The following IQGAP3 variants were observed in gnomAD, a reference collection of about 807,000 sequenced individuals.
IQGAP3 encodes IQ motif containing GTPase activating protein 3.
A neutral mutation model predicts 208.2 loss-of-function variants in IQGAP3; 165 were observed. The ratio of observed to expected loss-of-function variants is 0.79; its 90% CI spans 0.70 to 0.90. The LOEUF is 0.90. Ranked by LOEUF, IQGAP3 falls within the 40% of genes least tolerant of loss-of-function variation. IQGAP3 has a pLI of 0.00. For synonymous variants in IQGAP3, 703 were observed against 803.6 expected (o/e 0.87, Z 2.12); for missense variants, 1,811 against 2,043.1 (o/e 0.89, Z 2.19).
Position 156,566,506 on chromosome 1 carries a change from C to T in IQGAP3, c.166G>A (p.Val56Met). The change falls in exon 3 of 38, where the codon GTG becomes ATG. Residue 56 changes from valine to methionine, a missense_variant. Transcript: ENST00000361170. ...ACLKEELPSP[V>M]ELEESLRNGV... ...TTCCGAAGGCTCTCCTCCAGCTCCA[C>T]CGGGGAAGGAAGCTCCTCCTTCAGG... 1.2e-6 allele frequency: 2 copies of T among 1,614,194 alleles called. No individual in the cohort carries two copies. The highest frequency in any genetic ancestry group is 8.5e-7 in the Non-Finnish European group (1 of 1,180,024).
chr1:156,539,733 G>C, intron 24 of IQGAP3, 105 bp downstream of exon 24: 5 of 1,370,958 alleles, frequency 3.6e-6, no homozygotes, highest in Non-Finnish European at 5.1e-6. Flanking sequence ...TAAGATTATG[G>C]GAAAGGACAC....
intron 25 of IQGAP3, 80 bp from the exon 26 acceptor site, chr1:156,539,113 G>T: frequency 3.1e-6 from 4 of 1,274,862 alleles, no homozygotes; most frequent in Non-Finnish European, 4.5e-6. Context: ...TGAGATTTTG[G>T]CTCTCAAAGC....
At chr1:156,529,696 G>T (rs527937640) in intron 34 of IQGAP3, among the ~76,000 whole-genome samples, 1 of 151,930 alleles carries the variant, frequency 6.6e-6, no homozygotes, top group East Asian at 1.9e-4. Context: ...CAAGATGGGC[G>T]GACCCTGAGG....
chr1:156,563,107 T>A (rs1205152976), intron 8 of IQGAP3, 27 bp downstream of exon 8: 2 of 1,536,540 alleles, frequency 1.3e-6, no homozygotes, highest in Non-Finnish European at 1.8e-6. Flanking sequence ...AACTTTTCGG[T>A]CCCTGCAACC....
chr1:156,547,043 A>G (rs1231888670), intron 19 of IQGAP3, among the ~76,000 whole-genome samples: 1 of 152,190 alleles, frequency 6.6e-6, no homozygotes, highest in Non-Finnish European at 1.5e-5. Context: ...AGCATCTTAC[A>G]TTGCCAGCAC....
chr1:156,561,119 C>G, intron 10 of IQGAP3, 98 bp from the exon 11 acceptor site: 1 of 791,626 alleles, frequency 1.3e-6, no homozygotes, highest in Non-Finnish European at 2.2e-6. Context: ...ACCCAGCCAC[C>G]TACCCTCAAT....
intron 1 of IQGAP3, 32 bp from the exon 2 acceptor site, chr1:156,569,495 G>T: frequency 1.9e-6 from 2 of 1,080,860 alleles, no homozygotes; most frequent in Non-Finnish European, 2.8e-6. Context: ...GGTCAATGAA[G>T]AGAGCATTAG....
At chr1:156,570,157 C>A (rs1270438701) in intron 1 of IQGAP3, among the ~76,000 whole-genome samples, 1 of 152,200 alleles carries the variant, frequency 6.6e-6, no homozygotes, top group Non-Finnish European at 1.5e-5. Context: ...GGTAATAGAA[C>A]CAACCAGAAT....
chr1:156,536,222 C>G (rs946364390), intron 27 of IQGAP3, among the ~76,000 whole-genome samples: 1 of 151,980 alleles, frequency 6.6e-6, no homozygotes, highest in African/African-American at 2.4e-5. Context: ...CCTGGGCATT[C>G]CAGCCTGGGC....
chr1:156,551,365 C>G (rs908406489), intron 15 of IQGAP3, among the ~76,000 whole-genome samples: 1 of 152,200 alleles, frequency 6.6e-6, no homozygotes, highest in Non-Finnish European at 1.5e-5. Context: ...TTTTCACCCT[C>G]ATTCTGGGAG....
At chr1:156,566,639 G>A in intron 2 of IQGAP3, 93 bp from the exon 3 acceptor site, 1 of 1,229,340 alleles carries the variant, frequency 8.1e-7, no homozygotes, top group African/African-American at 1.5e-5. Flanking sequence ...CCTTTTAAGT[G>A]GCCCCTGACC....
In IQGAP3 at chr1:156,569,710, A is replaced by G. The variant is rs376376032; in HGVS notation, c.38-247T>C. On this transcript the variant is annotated intron_variant, in intron 1 of 37. Transcript: ENST00000361170. Reference sequence around the variant, plus strand: ...ATTTTTTATATTTTTTAGTAGAGACAGGGTTTCACCATGTTAGCCAGGATG... The same window carrying G: ...ATTTTTTATATTTTTTAGTAGAGACGGGGTTTCACCATGTTAGCCAGGATG... 1.0e-3 allele frequency among the ~76,000 whole-genome samples: 157 copies of G among 151,910 alleles called. 1 individual carries two copies. Among genetic ancestry groups the G allele is most frequent in the Admixed American group, 2.1e-3 (32 of 15,256 alleles).
Position 156,563,810 on chromosome 1 carries a change from C to A in IQGAP3, c.452G>T (p.Arg151Leu), listed in dbSNP as rs371540662. Residue 151 changes from arginine (R) to leucine (L), a missense_variant, in exon 6 of 38, where the codon CGG becomes CTG. By Grantham distance (102) the Arg-to-Leu change is moderately radical (BLOSUM62 -2). Transcript: ENST00000361170. ...ATGTATCTGAGGGGCCAATCCCAGCCGGAAGAGGAAGAGACTAGGAAAAAA... is the reference window on the plus strand; with the variant it reads ...ATGTATCTGAGGGGCCAATCCCAGCAGGAAGAGGAAGAGACTAGGAAAAAA... ...CIHALSLFLF[R>L]LGLAPQIHDL... is the part of the protein sequence containing the mutation. 22 of 1,613,730 alleles carry A rather than the reference C, an allele frequency of 1.4e-5. No homozygotes were observed. The highest frequency in any genetic ancestry group is 8.3e-5 in the Admixed American group (5 of 59,948).
At position 156,548,201 on chromosome 1, in the gene IQGAP3, G is replaced by A. The variant is rs771929503; in HGVS notation, c.2176C>T (p.Leu726Phe). Residue 726 changes from leucine to phenylalanine, a missense_variant, in exon 19 of 38, where the codon CTC (leucine) becomes TTC (phenylalanine). Leu to Phe is a conservative substitution (Grantham distance 22, BLOSUM62 0). Coordinates refer to ENST00000361170, the MANE Select transcript of IQGAP3 (RefSeq NM_178229.5). The part of the protein sequence containing the change: ...KVTAAYDRQQ[L>F]WKANVGFVIQ... ...ACAAAGCCGACGTTGGCTTTCCAGAGCTGTTGGCGGTCATAGGCAGCAGTG... is the reference window on the plus strand; with the variant it reads ...ACAAAGCCGACGTTGGCTTTCCAGAACTGTTGGCGGTCATAGGCAGCAGTG... 4 of 1,614,180 alleles carry A rather than the reference G, an allele frequency of 2.5e-6. No individual in the cohort carries two copies. The South Asian group carries it at 3.3e-5, about 13-fold the overall frequency.
At chr1:156,539,582 A>G in intron 24 of IQGAP3, 45 bp from the exon 25 acceptor site, 1 of 1,592,796 alleles carries the variant, frequency 6.3e-7, no homozygotes, top group Non-Finnish European at 8.6e-7. Flanking sequence ...ATGCACTTCA[A>G]GGACCAGTGA....
Position 156,556,675 on chromosome 1 carries a change from C to T in IQGAP3, c.1148G>A (p.Arg383Gln), listed in dbSNP as rs145312899. The T allele has an allele frequency of 3.8e-4, 601 of 1,594,186 alleles. 7 individuals carry two copies. In the East Asian group the frequency reaches 9.6e-3, roughly 26 times the overall value. ...QEQAMLHAVQ[R>Q]INKAIRRRVA... is the part of the protein sequence containing the mutation. ...TCTCCTCCGGATGGCTTTGTTGATC[C>T]GCTGCACAGCGTGGAGCACTGCAAG... is the stretch of plus-strand genomic sequence containing the variant. Residue 383 changes from arginine to glutamine, a missense_variant, in exon 12 of 38, where the codon CGG (arginine) becomes CAG (glutamine). Physicochemically the swap from Arg to Gln is conservative, Grantham distance 43. Transcript: ENST00000361170.
At position 156,544,400 on chromosome 1, in the gene IQGAP3, C is replaced by T. The variant is rs768123930; in HGVS notation, c.2377G>A (p.Ala793Thr). ...ACCACCGTAGCTACCTTGATTATGG[C>T]ATCCAGGTTTGCTTTAAAATACTGC... ...WLQYFKANLD[A>T]IIKIQAWARM... Residue 793 changes from alanine to threonine, a missense_variant, in exon 20 of 38, where the codon GCC becomes ACC. Transcript: ENST00000361170. The T allele has an allele frequency of 9.9e-6, 16 of 1,612,786 alleles. No individual in the cohort carries two copies. Among genetic ancestry groups the T allele is most frequent in the Non-Finnish European group, 1.4e-5 (16 of 1,178,876 alleles).
At chr1:156,554,507 A>C in intron 12 of IQGAP3, 115 bp from the exon 13 acceptor site, 1 of 976,720 alleles carries the variant, frequency 1.0e-6, no homozygotes, top group Middle Eastern at 3.1e-4. Flanking sequence ...CCAAAACCCC[A>C]GTGGCCTGAT....
chr1:156,551,580 C>T, intron 15 of IQGAP3, 125 bp downstream of exon 15: 1 of 1,016,926 alleles, frequency 9.8e-7, no homozygotes, highest in East Asian at 2.7e-5. Flanking sequence ...TTGGAACACC[C>T]CCCTCACCCC....
Sources: gnomAD v4.1 joint callset for allele counts (sites outside exome capture counted in the v4.1 genomes callset) on GRCh38, gnomAD v4.1.1 for gene constraint, MANE v1.5 for transcripts, NCBI Gene and HGNC (gene_info 2026-07-23, HGNC 2026-07-21) for gene names.